CLEC16A: variants seen among roughly 807,000 people sequenced by gnomAD.
CLEC16A encodes the protein C-type lectin domain containing 16A, also known as protein CLEC16A.
A neutral mutation model predicts 109.5 loss-of-function variants in CLEC16A; 51 were observed. The observed-to-expected ratio is 0.47, with a 90% CI of 0.37 to 0.59. The LOEUF (loss-of-function observed/expected upper bound fraction) is 0.59. Among genes scored for constraint, CLEC16A ranks in the 20% least tolerant of loss-of-function variants. CLEC16A has a pLI of 0.00. For missense variants in CLEC16A, 1,339 were observed against 1,394.0 expected (o/e 0.96, Z 0.63); for synonymous variants, 673 against 564.2 (o/e 1.19, Z -2.73).
chr16:11,077,964 C>CGTGTGTGTGTGTGT (rs34576806), intron 19 of CLEC16A, among the ~76,000 whole-genome samples: 4 of 135,622 alleles, frequency 2.9e-5, no homozygotes, highest in South Asian at 2.6e-4. Context: ...CAAAAAAAAA[C>CGTGTGTGTGTGTGT]GTGTGTGTGT....
chr16:11,114,733 C>T (rs1327656362), intron 19 of CLEC16A, among the ~76,000 whole-genome samples: 7 of 152,146 alleles, frequency 4.6e-5, no homozygotes, highest in Admixed American at 3.9e-4. Flanking sequence ...AGGACTGGGG[C>T]AGGGTACAGG....
chr16:11,060,865 A>G (rs760678630), intron 18 of CLEC16A, 37 bp from the exon 19 acceptor site: 4 of 1,552,454 alleles, frequency 2.6e-6, no homozygotes, highest in Middle Eastern at 1.7e-4. Context: ...TGACTCTGCA[A>G]TCTCACTCTT....
chr16:11,021,655 G>A (rs905502579), intron 12 of CLEC16A, among the ~76,000 whole-genome samples: 3 of 152,134 alleles, frequency 2.0e-5, no homozygotes, highest in Non-Finnish European at 4.4e-5. Context: ...AAAATTAGCC[G>A]GGCATGGTGG....
At position 11,003,303 on chromosome 16, in the gene CLEC16A, A is replaced by T; in HGVS notation, c.1301A>T (p.Glu434Val). 6.2e-7 allele frequency: 1 copy of T among 1,610,844 alleles called. No homozygotes were observed. Among genetic ancestry groups the T allele is most frequent in the Non-Finnish European group, 8.5e-7 (1 of 1,178,888 alleles). ...SKGIKTSGES[E>V]EIEMVIMERS... ...GGCATCAAGACGAGTGGGGAGAGTGAAGGTGAGTGTCCCCATGAACGCCGC... is the reference window on the plus strand; with the variant it reads ...GGCATCAAGACGAGTGGGGAGAGTGTAGGTGAGTGTCCCCATGAACGCCGC... Residue 434 changes from glutamate to valine, a missense_variant and splice_region_variant, in exon 11 of 24, where the codon GAA becomes GTA. By Grantham distance (121) the Glu-to-Val change is moderately radical. Transcript: ENST00000409790.
At chr16:11,040,039 C>T in intron 14 of CLEC16A, 163 bp downstream of exon 14, 1 of 816,566 alleles carries the variant, frequency 1.2e-6, no homozygotes, top group East Asian at 2.9e-5. Context: ...GGCCAGCCCT[C>T]CTGCCTGCTG....
chr16:11,115,478 T>C (rs922329449), intron 19 of CLEC16A, among the ~76,000 whole-genome samples: 3 of 152,158 alleles, frequency 2.0e-5, no homozygotes, highest in African/African-American at 7.2e-5. Context: ...GCTCAAGTGA[T>C]CCTCCTGCCT....
chr16:11,014,245 A>G (rs893570806), intron 11 of CLEC16A, among the ~76,000 whole-genome samples: 1 of 152,158 alleles, frequency 6.6e-6, no homozygotes, highest in African/African-American at 2.4e-5. Context: ...CCACTTAGCA[A>G]TGTCTCCGGA....
At position 11,049,077 on chromosome 16, in the gene CLEC16A, G is replaced by A. The variant is rs933500900; in HGVS notation, c.1866+1735G>A. Among the ~76,000 whole-genome samples, 14 of 151,630 alleles carry A rather than the reference G, an allele frequency of 9.2e-5. 1 individual carries two copies. Among genetic ancestry groups the A allele is most frequent in the Middle Eastern group, 6.8e-3 (2 of 294 alleles). ...GCTGGAGTGCAAGTAGTGCGTTCTC[G>A]GCTCACTGCAACCTCTGCCTCTTGG... On this transcript the variant is annotated intron_variant, in intron 17 of 23. Transcript: ENST00000409790.
chr16:11,113,833 C>T (rs1369647592), intron 19 of CLEC16A, among the ~76,000 whole-genome samples: 1 of 152,200 alleles, frequency 6.6e-6, no homozygotes, highest in East Asian at 1.9e-4. Context: ...TAGGCTTTCC[C>T]TTCTTGCTGG....
At chr16:10,992,250 A>G (rs965006523) in intron 10 of CLEC16A, among the ~76,000 whole-genome samples, 26 of 151,552 alleles carry the variant, frequency 1.7e-4, no homozygotes, top group African/African-American at 6.1e-4. Context: ...GTACCTGTTG[A>G]CCACCCTCTC....
rs188252853 is a variant in CLEC16A at position 10,979,491 on chromosome 16, C to A, written c.957+109C>A. 1.9e-3 allele frequency: 1,785 copies of A among 940,080 alleles called. 25 individuals carry two copies. In the African/African-American group the frequency reaches 0.026, roughly 14 times the overall value. 58.2% of individuals were successfully genotyped at this position (940,080 alleles called of 1,614,324 possible). The stretch of plus-strand genomic sequence containing the variant: ...ATCACCCCATCTTCTCTGTCCCCCC[C>A]ATGCTGGAGTAAAATAACAGCAAAA... On this transcript the variant is annotated intron_variant, in intron 9 of 23. Transcript: ENST00000409790.
chr16:11,138,946 AT>A (rs2053695695), intron 22 of CLEC16A, among the ~76,000 whole-genome samples: 1 of 151,708 alleles, frequency 6.6e-6, no homozygotes. Flanking sequence ...GAAAACAGAA[AT>A]AGCTACGCTG....
chr16:11,067,043 A>C (rs2048798766), intron 19 of CLEC16A, among the ~76,000 whole-genome samples: 1 of 152,154 alleles, frequency 6.6e-6, no homozygotes, highest in African/African-American at 2.4e-5. Flanking sequence ...GTTAATATTG[A>C]GTAGGTAGCA....
chr16:11,030,439 C>T (rs7194545), intron 13 of CLEC16A, among the ~76,000 whole-genome samples: 47,455 of 152,022 alleles, frequency 0.31, 9,790 homozygotes, highest in African/African-American at 0.59. Context: ...TTTGGTGTGG[C>T]CACCTTTTTA....
At chr16:11,177,841 T>C (rs1178586487) in intron 23 of CLEC16A, among the ~76,000 whole-genome samples, 4 of 151,036 alleles carry the variant, frequency 2.6e-5, no homozygotes, top group Non-Finnish European at 4.4e-5. Flanking sequence ...TGAAAAGTTC[T>C]ACAGAATTTC....
intron 11 of CLEC16A, among the ~76,000 whole-genome samples, chr16:11,018,121 A>G (rs1398427520): frequency 2.0e-5 from 3 of 151,008 alleles, no homozygotes; most frequent in Non-Finnish European, 4.4e-5. Context: ...CAGCCTGGGC[A>G]ACATAGTGAG....
At chr16:11,088,040 A>G (rs2050106032) in intron 19 of CLEC16A, among the ~76,000 whole-genome samples, 1 of 152,196 alleles carries the variant, frequency 6.6e-6, no homozygotes, top group Non-Finnish European at 1.5e-5. Context: ...TCCTCTTTCC[A>G]TACAGAACAC....
intron 16 of CLEC16A, among the ~76,000 whole-genome samples, chr16:11,044,546 C>T (rs910607493): frequency 7.2e-5 from 11 of 152,118 alleles, no homozygotes; most frequent in Non-Finnish European, 1.3e-4. Context: ...CCTCTATTAA[C>T]GTTTATTGAG....
chr16:11,154,856 G>A (rs562552439), intron 22 of CLEC16A, among the ~76,000 whole-genome samples: 49 of 152,278 alleles, frequency 3.2e-4, no homozygotes, highest in Non-Finnish European at 6.5e-4. Flanking sequence ...GAACCTGGGA[G>A]TCGGAGGTTG....
Sources: allele counts gnomAD v4.1 joint callset (sites outside exome capture counted in the v4.1 genomes callset), GRCh38; gene constraint gnomAD v4.1.1; transcripts MANE v1.5; gene names NCBI Gene and HGNC (gene_info 2026-07-23, HGNC 2026-07-21).